Variants in SGCZ observed in about 807,000 individuals in gnomAD.
SGCZ encodes the protein sarcoglycan zeta, also known as zeta-sarcoglycan.
Under a neutral mutation model 41.3 loss-of-function variants are expected in SGCZ, and 40 were observed. The observed-to-expected ratio is 0.97, with a 90% CI of 0.75 to 1.26. SGCZ has a LOEUF of 1.26. SGCZ is among the 50% of genes most tolerant of loss of function. The pLI, the probability that SGCZ is intolerant of heterozygous loss-of-function variation, is 0.00. For synonymous variants in SGCZ, 206 were observed against 137.5 expected, an observed-to-expected ratio of 1.50 and a Z score of -3.49; for missense variants, 552 against 369.8, an observed-to-expected ratio of 1.49 and a Z score of -4.04.
At chr8:14,704,148 C>G (rs1050632282) in intron 1 of SGCZ, among the ~76,000 whole-genome samples, 2 of 151,870 alleles carry the variant, frequency 1.3e-5, no homozygotes, top group Non-Finnish European at 2.9e-5. Context: ...TGATTTTAGT[C>G]CTGGGGTAAC....
intron 1 of SGCZ, among the ~76,000 whole-genome samples, chr8:14,732,834 T>A (rs1464765316): frequency 6.6e-6 from 1 of 152,150 alleles, no homozygotes; most frequent in Non-Finnish European, 1.5e-5. Context: ...AAGACATAAC[T>A]ATGTACCACA....
chr8:14,914,598 A>G (rs1329814542), intron 1 of SGCZ, among the ~76,000 whole-genome samples: 1 of 152,196 alleles, frequency 6.6e-6, no homozygotes, highest in Non-Finnish European at 1.5e-5. Flanking sequence ...ACATTCTACA[A>G]ATAACATCTA....
chr8:14,950,716 G>A (rs995108128), intron 1 of SGCZ, among the ~76,000 whole-genome samples: 3 of 151,958 alleles, frequency 2.0e-5, no homozygotes, highest in Admixed American at 2.0e-4. Context: ...AATGTGGTGA[G>A]CCAAAGTAAA....
chr8:14,844,636 G>A (rs975220012), intron 1 of SGCZ, among the ~76,000 whole-genome samples: 37 of 151,930 alleles, frequency 2.4e-4, no homozygotes, highest in African/African-American at 6.3e-4. Context: ...GTTTTTTTCC[G>A]AGCACATGAG....
chr8:14,896,170 T>G (rs568444944), intron 1 of SGCZ, among the ~76,000 whole-genome samples: 1 of 152,298 alleles, frequency 6.6e-6, no homozygotes, highest in Admixed American at 6.5e-5. Context: ...CTTATTTTGG[T>G]CATTTTCTTT....
intron 2 of SGCZ, among the ~76,000 whole-genome samples, chr8:14,434,065 T>C (rs930847196): frequency 6.6e-6 from 1 of 152,208 alleles, no homozygotes; most frequent in Non-Finnish European, 1.5e-5. Context: ...AGAAGGGTTT[T>C]TCCGATGTTA....
intron 1 of SGCZ, among the ~76,000 whole-genome samples, chr8:15,105,474 C>G (rs1156781578): frequency 6.6e-6 from 1 of 152,032 alleles, no homozygotes; most frequent in African/African-American, 2.4e-5. Flanking sequence ...GAAGTAAGCA[C>G]GTCTTACCAT....
At chr8:14,514,832 C>CAT in intron 2 of SGCZ, among the ~76,000 whole-genome samples, 1 of 147,148 alleles carries the variant, frequency 6.8e-6, no homozygotes, top group South Asian at 2.1e-4. Flanking sequence ...CACGCACACA[C>CAT]ACACACACAC....
intron 1 of SGCZ, among the ~76,000 whole-genome samples, chr8:14,615,663 C>A (rs1488985438): frequency 6.6e-6 from 1 of 152,044 alleles, no homozygotes; most frequent in African/African-American, 2.4e-5. Context: ...CTTTGTCAGA[C>A]AAAATTGTAA....
At chr8:15,067,765 C>A (rs1259169181) in intron 1 of SGCZ, among the ~76,000 whole-genome samples, 3 of 152,092 alleles carry the variant, frequency 2.0e-5, no homozygotes, top group Non-Finnish European at 4.4e-5. Flanking sequence ...ATGCCATGCA[C>A]TGTGCAAGAT....
intron 1 of SGCZ, among the ~76,000 whole-genome samples, chr8:15,075,880 G>C (rs1050191660): frequency 1.3e-5 from 2 of 151,452 alleles, no homozygotes; most frequent in Non-Finnish European, 2.9e-5. Flanking sequence ...AAGCATCAGT[G>C]AATCACTGAT....
At chr8:14,470,440 A>G (rs1801183024) in intron 2 of SGCZ, among the ~76,000 whole-genome samples, 1 of 152,154 alleles carries the variant, frequency 6.6e-6, no homozygotes, top group Non-Finnish European at 1.5e-5. Flanking sequence ...TTTAATTAGG[A>G]AGGAACAAAT....
chr8:14,788,910 A>T (rs1800859859), intron 1 of SGCZ, among the ~76,000 whole-genome samples: 2 of 152,124 alleles, frequency 1.3e-5, no homozygotes, highest in Admixed American at 6.6e-5. Context: ...CAGGAGTTTG[A>T]CACCAGCCTG....
At chr8:14,828,049 G>T (rs1169586100) in intron 1 of SGCZ, among the ~76,000 whole-genome samples, 3 of 152,166 alleles carry the variant, frequency 2.0e-5, no homozygotes, top group Non-Finnish European at 4.4e-5. Flanking sequence ...CTGAGAAGCT[G>T]CTGATCACAC....
At chr8:14,631,181 A>C (rs1244687093) in intron 1 of SGCZ, among the ~76,000 whole-genome samples, 1 of 152,026 alleles carries the variant, frequency 6.6e-6, no homozygotes, top group African/African-American at 2.4e-5. Flanking sequence ...GTTATTTACC[A>C]CTGGGATCCT....
intron 1 of SGCZ, among the ~76,000 whole-genome samples, chr8:15,037,920 T>G (rs1803929685): frequency 6.6e-6 from 1 of 151,924 alleles, no homozygotes; most frequent in Admixed American, 6.6e-5. Flanking sequence ...AAGAGAGAAG[T>G]GTATACTGAA....
chr8:14,466,614 T>A (rs1053332304), intron 2 of SGCZ, among the ~76,000 whole-genome samples: 2 of 151,890 alleles, frequency 1.3e-5, no homozygotes, highest in Admixed American at 1.3e-4. Flanking sequence ...GTTTCCCTCA[T>A]GTTCCTTAAA....
chr8:15,015,737 G>C (rs1421970136), intron 1 of SGCZ, among the ~76,000 whole-genome samples: 2 of 121,096 alleles, frequency 1.7e-5, no homozygotes, highest in Admixed American at 8.2e-5. Flanking sequence ...GTGTGTGTGT[G>C]TGTGTGTGTG....
chr8:15,016,252 A>G (rs889740445), intron 1 of SGCZ, among the ~76,000 whole-genome samples: 1 of 151,912 alleles, frequency 6.6e-6, no homozygotes, highest in African/African-American at 2.4e-5. Flanking sequence ...ATTAATTCCA[A>G]TCTCTCTCAC....
Sources: allele counts gnomAD v4.1 joint callset (sites outside exome capture counted in the v4.1 genomes callset), GRCh38; gene constraint gnomAD v4.1.1; transcripts MANE v1.5; gene names NCBI Gene and HGNC (gene_info 2026-07-23, HGNC 2026-07-21).